TENM2: variants seen among roughly 807,000 people sequenced by gnomAD.
TENM2 encodes the protein teneurin-2.
Under a neutral mutation model 245.2 loss-of-function variants are expected in TENM2, and 52 were observed. The ratio of observed to expected loss-of-function variants is 0.21; its 90% CI spans 0.17 to 0.27. TENM2 has a LOEUF of 0.27. TENM2 is among the 10% of genes least tolerant of loss of function. The pLI is 1.00. For synonymous variants in TENM2, 1,363 were observed against 1,438.9 expected (o/e 0.95, Z 1.19); for missense variants, 3,046 against 3,666.8 (o/e 0.83, Z 4.37).
At chr5:167,143,577 T>G in the TENM2 span, among the ~76,000 whole-genome samples, 1 of 152,178 alleles carries the variant, frequency 6.6e-6, no homozygotes, top group Admixed American at 6.5e-5. Context: ...GAATATTCAC[T>G]GAGAGGGGAA....
intron 7 of TENM2, among the ~76,000 whole-genome samples, chr5:168,071,177 C>A (rs1221176101): frequency 6.6e-6 from 1 of 152,108 alleles, no homozygotes; most frequent in Non-Finnish European, 1.5e-5. Context: ...ATCTATAAAC[C>A]AGAGGTGATA....
At chr5:168,154,514 C>T (rs554594859) in intron 12 of TENM2, among the ~76,000 whole-genome samples, 7 of 152,268 alleles carry the variant, frequency 4.6e-5, no homozygotes, top group South Asian at 2.1e-4. Flanking sequence ...TGTGAGCTAC[C>T]GCGCCTGGCC....
chr5:167,059,773 A>G, the TENM2 span, among the ~76,000 whole-genome samples: 11 of 146,610 alleles, frequency 7.5e-5, no homozygotes, highest in African/African-American at 2.6e-4. Flanking sequence ...GCGTGATCTC[A>G]GCTCACTGCA....
At chr5:167,193,201 G>A in the TENM2 span, among the ~76,000 whole-genome samples, 1 of 151,972 alleles carries the variant, frequency 6.6e-6, no homozygotes, top group South Asian at 2.1e-4. Context: ...AACCCATTAA[G>A]ACTTGTACAC....
intron 5 of TENM2, among the ~76,000 whole-genome samples, chr5:168,029,949 A>G (rs1253562537): frequency 6.6e-6 from 1 of 152,048 alleles, no homozygotes; most frequent in African/African-American, 2.4e-5. Flanking sequence ...ACAGAGTTGG[A>G]TGGGAGTCCT....
At chr5:167,181,195 G>C in the TENM2 span, among the ~76,000 whole-genome samples, 1 of 152,014 alleles carries the variant, frequency 6.6e-6, no homozygotes, top group African/African-American at 2.4e-5. Context: ...TGGTATTTTA[G>C]AACCTATGAC....
intron 2 of TENM2, among the ~76,000 whole-genome samples, chr5:167,597,160 CTTTTCTTTTTT>C (rs1239808297): frequency 2.0e-5 from 2 of 102,236 alleles, no homozygotes; most frequent in East Asian, 3.0e-4. Context: ...CTTTTCTTTT[CTTTTCTTTTTT>C]TTTTTTTTTT....
intron 2 of TENM2, among the ~76,000 whole-genome samples, chr5:167,448,716 G>T (rs577388258): frequency 6.6e-6 from 1 of 151,562 alleles, no homozygotes; most frequent in Non-Finnish European, 1.5e-5. Flanking sequence ...TTGCAGGAAC[G>T]TACCGAGAAA....
chr5:167,634,096 G>T (rs1385299048), intron 2 of TENM2, among the ~76,000 whole-genome samples: 1 of 152,168 alleles, frequency 6.6e-6, no homozygotes, highest in African/African-American at 2.4e-5. Flanking sequence ...ATCATAAACT[G>T]CAGGGTTGGG....
At chr5:168,118,594 TC>T (rs1187698898) in intron 10 of TENM2, 108 bp downstream of exon 12, 2 of 875,648 alleles carry the variant, frequency 2.3e-6, no homozygotes, top group Non-Finnish European at 3.2e-6. Flanking sequence ...AAGAGAAGTT[TC>T]AACATTTTGC....
At chr5:167,196,230 G>A in the TENM2 span, among the ~76,000 whole-genome samples, 1 of 151,836 alleles carries the variant, frequency 6.6e-6, no homozygotes, top group African/African-American at 2.4e-5. Context: ...CATAGACAAA[G>A]TACAGTAAAA....
At chr5:168,081,795 G>A (rs1562134628) in intron 7 of TENM2, among the ~76,000 whole-genome samples, 1 of 152,244 alleles carries the variant, frequency 6.6e-6, no homozygotes, top group Non-Finnish European at 1.5e-5. Context: ...TCTGCCGAGA[G>A]ATCCACTGTT....
intron 2 of TENM2, among the ~76,000 whole-genome samples, chr5:167,668,538 C>A (rs535649453): frequency 6.6e-6 from 1 of 152,316 alleles, no homozygotes; most frequent in Non-Finnish European, 1.5e-5. Context: ...GGGACATTCC[C>A]TGGCTACTTA....
rs114099431 is a variant in TENM2 at position 168,260,611 on chromosome 5, A to T, written c.7563+198A>T. ...CTGGCACAGCACATATTTCTTCCCA[A>T]CTTCGATTATTGCCTTAATTGTGGT... On this transcript the variant is annotated intron_variant, in intron 28 of 28. Transcript: ENST00000518659. Among the ~76,000 whole-genome samples the T allele has an allele frequency of 9.5e-3, 1,453 of 152,288 alleles. 21 individuals are homozygous for T. The highest frequency in any genetic ancestry group is 0.031 in the African/African-American group (1,305 of 41,552).
At chr5:167,690,970 T>TGTGTGTGTAG (rs143481347) in intron 2 of TENM2, among the ~76,000 whole-genome samples, 3 of 142,188 alleles carry the variant, frequency 2.1e-5, no homozygotes, top group African/African-American at 7.9e-5. Flanking sequence ...TGTGTGTGTG[T>TGTGTGTGTAG]AGAGAGAGAG....
intron 4 of TENM2, among the ~76,000 whole-genome samples, chr5:167,991,719 C>T (rs182275939): frequency 6.0e-4 from 91 of 152,204 alleles, no homozygotes; most frequent in African/African-American, 2.0e-3. Flanking sequence ...AAGATGATTC[C>T]AAAGAAATAA....
At chr5:167,215,698 T>C in the TENM2 span, among the ~76,000 whole-genome samples, 2 of 152,188 alleles carry the variant, frequency 1.3e-5, no homozygotes, top group East Asian at 3.8e-4. Flanking sequence ...TTTCCCAGTG[T>C]CCCAAGTGAA....
At chr5:167,437,862 C>T (rs1338322300) in intron 2 of TENM2, among the ~76,000 whole-genome samples, 1 of 152,134 alleles carries the variant, frequency 6.6e-6, no homozygotes, top group Non-Finnish European at 1.5e-5. Flanking sequence ...GCCTCCGCAG[C>T]CACGTGGAAC....
rs766907268 is a variant in TENM2, at chr5:168,226,059, G to C, written c.5109-29G>C. On this transcript the variant is annotated intron_variant, in intron 23 of 28. Transcript: ENST00000518659. ...AGCCCCAATGACTGCTGCTAACCAG[G>C]GTTTATCTATCTATCTATCTCCCCC... 2.5e-6 allele frequency: 4 copies of C among 1,600,432 alleles called. No homozygotes were observed. In the Admixed American group the frequency reaches 6.8e-5, roughly 27 times the overall value.
Sources: gnomAD v4.1 joint callset for allele counts (sites outside exome capture counted in the v4.1 genomes callset) on GRCh38, gnomAD v4.1.1 for gene constraint, MANE v1.5 for transcripts, NCBI Gene and HGNC (gene_info 2026-07-23, HGNC 2026-07-21) for gene names.